ATG5: variants seen among roughly 807,000 people sequenced by gnomAD.
ATG5 encodes autophagy protein 5.
Under a neutral mutation model 36.5 loss-of-function variants are expected in ATG5, and 14 were observed. That is an observed-to-expected ratio of 0.38 (90% CI 0.25 to 0.60). The LOEUF is 0.60. Ranked by LOEUF, ATG5 falls within the 20% of genes least tolerant of loss-of-function variation. The probability of loss-of-function intolerance (pLI) is 0.60; values close to 1 mark genes in which losing one functional copy is unlikely to be tolerated. For synonymous variants in ATG5, 95 were observed against 101.5 expected (o/e 0.94, Z 0.38); for missense variants, 195 against 326.7 (o/e 0.60, Z 3.11).
At position 106,293,123 on chromosome 6, in the gene ATG5, A is replaced by AT. The variant is rs780128916; in HGVS notation, c.237-18dup. On this transcript the variant is annotated splice_polypyrimidine_tract_variant and intron_variant, in intron 3 of 7. Transcript: ENST00000369076. Reference sequence around the variant, plus strand: ...GGATAATGCCTAAAAATGAAACAGTATATTTTGAGAAAATAAATATTTAAA... The same window carrying AT: ...GGATAATGCCTAAAAATGAAACAGTATTATTTTGAGAAAATAAATATTTAAA... 2 of 1,598,758 alleles carry AT rather than the reference A, an allele frequency of 1.3e-6. No homozygotes were observed. Among genetic ancestry groups the AT allele is most frequent in the African/African-American group, 2.7e-5 (2 of 74,466 alleles).
At chr6:106,235,036 G>A (rs1489927193) in intron 6 of ATG5, among the ~76,000 whole-genome samples, 2 of 152,116 alleles carry the variant, frequency 1.3e-5, no homozygotes, top group East Asian at 1.9e-4. Flanking sequence ...ATCCTGAATT[G>A]TCACAGAGAA....
At chr6:106,321,476 A>G (rs1481784245) in intron 1 of ATG5, among the ~76,000 whole-genome samples, 1 of 151,236 alleles carries the variant, frequency 6.6e-6, no homozygotes, top group African/African-American at 2.4e-5. Context: ...CTCCTGCCTC[A>G]GCCTCCCGAG....
At chr6:106,312,995 C>T (rs1209420675) in intron 2 of ATG5, among the ~76,000 whole-genome samples, 1 of 152,034 alleles carries the variant, frequency 6.6e-6, no homozygotes, top group Non-Finnish European at 1.5e-5. Flanking sequence ...GTTGTTGTTT[C>T]AGGATAGGAA....
chr6:106,225,254 C>T (rs1475589090), intron 6 of ATG5, among the ~76,000 whole-genome samples: 1 of 152,214 alleles, frequency 6.6e-6, no homozygotes, highest in Admixed American at 6.5e-5. Context: ...AAATCAAAAG[C>T]TCTCAATCTT....
chr6:106,316,387 CGAT>C (rs1456362887), intron 1 of ATG5, 121 bp from the exon 2 acceptor site: 3 of 425,232 alleles, frequency 7.1e-6, no homozygotes, highest in African/African-American at 4.2e-5. Flanking sequence ...AAAAAAAAAA[CGAT>C]GATCACCAAT....
At chr6:106,273,501 T>C (rs1443524138) in intron 5 of ATG5, among the ~76,000 whole-genome samples, 1 of 152,200 alleles carries the variant, frequency 6.6e-6, no homozygotes, top group Non-Finnish European at 1.5e-5. Context: ...TTTACAATCC[T>C]TGAATTTGAG....
chr6:106,231,838 A>AT (rs1290545123), intron 6 of ATG5, among the ~76,000 whole-genome samples: 1 of 151,896 alleles, frequency 6.6e-6, no homozygotes, highest in Non-Finnish European at 1.5e-5. Flanking sequence ...GACAAATGGG[A>AT]TAAAAAAAAG....
At chr6:106,204,246 A>C (rs1375039732) in intron 6 of ATG5, among the ~76,000 whole-genome samples, 1 of 152,174 alleles carries the variant, frequency 6.6e-6, no homozygotes, top group Non-Finnish European at 1.5e-5. Flanking sequence ...AAAAATAAAT[A>C]AAAATAAGTA....
chr6:106,302,858 G>A (rs1770275020), intron 3 of ATG5, among the ~76,000 whole-genome samples: 1 of 151,766 alleles, frequency 6.6e-6, no homozygotes, highest in Admixed American at 6.6e-5. Context: ...AACAAAAACA[G>A]AACATATCAA....
chr6:106,228,198 T>C (rs771615286), intron 6 of ATG5, among the ~76,000 whole-genome samples: 2 of 152,212 alleles, frequency 1.3e-5, no homozygotes, highest in African/African-American at 2.4e-5. Flanking sequence ...TATTAAATCT[T>C]GCAACTGCAC....
intron 3 of ATG5, among the ~76,000 whole-genome samples, chr6:106,296,635 A>T (rs1164446906): frequency 6.6e-6 from 1 of 152,076 alleles, no homozygotes; most frequent in Non-Finnish European, 1.5e-5. Context: ...CTGACCAATA[A>T]GGTGAAACCC....
At chr6:106,255,029 T>A (rs558728364) in intron 5 of ATG5, among the ~76,000 whole-genome samples, 2 of 152,358 alleles carry the variant, frequency 1.3e-5, no homozygotes, top group South Asian at 4.1e-4. Context: ...AACCACCATA[T>A]AAGGTTCTAT....
At chr6:106,216,751 G>A (rs1777053813) in intron 6 of ATG5, among the ~76,000 whole-genome samples, 1 of 152,102 alleles carries the variant, frequency 6.6e-6, no homozygotes, top group Non-Finnish European at 1.5e-5. Context: ...TGAGCATAGT[G>A]GCTATAGTCC....
At chr6:106,208,899 A>G (rs1287672221) in intron 6 of ATG5, among the ~76,000 whole-genome samples, 1 of 152,240 alleles carries the variant, frequency 6.6e-6, no homozygotes, top group Non-Finnish European at 1.5e-5. Flanking sequence ...AAGAGAATAT[A>G]TAGGTGGCAA....
intron 6 of ATG5, among the ~76,000 whole-genome samples, chr6:106,212,952 C>T (rs1257234483): frequency 6.6e-6 from 1 of 152,118 alleles, no homozygotes; most frequent in African/African-American, 2.4e-5. Context: ...ATGATATAAA[C>T]AAATTACAAC....
intron 5 of ATG5, among the ~76,000 whole-genome samples, chr6:106,266,217 A>C (rs954104542): frequency 6.6e-6 from 1 of 152,222 alleles, no homozygotes; most frequent in African/African-American, 2.4e-5. Flanking sequence ...TATTATAAAC[A>C]CCTCTATGTA....
chr6:106,296,552 T>C (rs1422164392), intron 3 of ATG5, among the ~76,000 whole-genome samples: 1 of 152,160 alleles, frequency 6.6e-6, no homozygotes, highest in Non-Finnish European at 1.5e-5. Flanking sequence ...GCGTGGTGGC[T>C]CACGCCTGTA....
At chr6:106,301,389 C>A (rs948522645) in intron 3 of ATG5, among the ~76,000 whole-genome samples, 2 of 151,874 alleles carry the variant, frequency 1.3e-5, no homozygotes, top group Non-Finnish European at 2.9e-5. Context: ...TTAGAGAGAA[C>A]AGATAAGATG....
intron 6 of ATG5, among the ~76,000 whole-genome samples, chr6:106,231,028 C>T (rs1052980111): frequency 6.6e-6 from 1 of 151,692 alleles, no homozygotes; most frequent in African/African-American, 2.4e-5. Context: ...ATAATAAGGA[C>T]CCCCCTTCAA....
Sources: allele counts gnomAD v4.1 joint callset (sites outside exome capture counted in the v4.1 genomes callset), GRCh38; gene constraint gnomAD v4.1.1; transcripts MANE v1.5; gene names NCBI Gene and HGNC (gene_info 2026-07-23, HGNC 2026-07-21).